SMIM35: variants seen among roughly 807,000 people sequenced by gnomAD.
SMIM35 encodes small integral membrane protein 35.
chr11:118,073,389 C>T (rs1426986586), intron 1 of SMIM35, among the ~76,000 whole-genome samples: 1 of 152,210 alleles, frequency 6.6e-6, no homozygotes, highest in Admixed American at 6.5e-5. Flanking sequence ...GGCAGGACCC[C>T]AGGCCACTAG....
intron 1 of SMIM35, among the ~76,000 whole-genome samples, chr11:118,048,279 G>A (rs1442310805): frequency 6.6e-6 from 1 of 152,170 alleles, no homozygotes; most frequent in African/African-American, 2.4e-5. Context: ...TCCCGCTGAG[G>A]CGGTCAGATC....
chr11:118,017,148 G>A (rs1228174281), intron 1 of SMIM35, among the ~76,000 whole-genome samples: 1 of 152,010 alleles, frequency 6.6e-6, no homozygotes, highest in Non-Finnish European at 1.5e-5. Context: ...ATCATACTAG[G>A]AAAAAATCTC....
At chr11:118,019,506 A>T in intron 1 of SMIM35, among the ~76,000 whole-genome samples, 1 of 152,252 alleles carries the variant, frequency 6.6e-6, no homozygotes, top group Middle Eastern at 3.4e-3. Context: ...CTGGACAGAG[A>T]CAAGGACTCT....
intron 1 of SMIM35, among the ~76,000 whole-genome samples, chr11:118,074,709 T>G (rs538565715): frequency 6.7e-5 from 10 of 148,180 alleles, no homozygotes; most frequent in Non-Finnish European, 1.3e-4. Flanking sequence ...GCTGCACCAC[T>G]GCACTCCAGC....
intron 1 of SMIM35, among the ~76,000 whole-genome samples, chr11:118,070,366 G>A (rs1043894524): frequency 3.3e-5 from 5 of 152,040 alleles, no homozygotes; most frequent in African/African-American, 7.2e-5. Flanking sequence ...TAGTAGAGAC[G>A]GGGTTTCACC....
At chr11:118,030,734 G>A (rs1200996013) in intron 1 of SMIM35, among the ~76,000 whole-genome samples, 1 of 152,030 alleles carries the variant, frequency 6.6e-6, no homozygotes, top group African/African-American at 2.4e-5. Flanking sequence ...GAATGAGGTA[G>A]TCTAACCTGG....
intron 1 of SMIM35, among the ~76,000 whole-genome samples, chr11:118,033,078 G>A (rs1470679228): frequency 3.3e-5 from 5 of 152,194 alleles, no homozygotes; most frequent in Non-Finnish European, 7.3e-5. Flanking sequence ...GGCAAAAAGT[G>A]AATAAGGATC....
intron 1 of SMIM35, among the ~76,000 whole-genome samples, chr11:118,068,365 G>C (rs2085929798): frequency 6.6e-6 from 1 of 152,040 alleles, no homozygotes; most frequent in Admixed American, 6.5e-5. Context: ...TTTCCTCTTA[G>C]AGTTTGCCAA....
Position 118,048,946 on chromosome 11 carries a change from C to CAAAAAAAAAAAAAAAAAAAAAAAAA in SMIM35, c.8-33138_8-33137insTTTTTTTTTTTTTTTTTTTTTTTTT, listed in dbSNP as rs57261529. Reference sequence around the variant, plus strand: ...GCCTATCGCCTAGGCTGAAGAGCTGCAAAAAAAAAAAAAAAAAAGCAAGTG... The same window carrying CAAAAAAAAAAAAAAAAAAAAAAAAA: ...GCCTATCGCCTAGGCTGAAGAGCTGCAAAAAAAAAAAAAAAAAAAAAAAAAAAAAAAAAAAAAAAAAAAGCAAGTG... On this transcript the variant is annotated intron_variant, in intron 1 of 4. Transcript: ENST00000689828. Among the ~76,000 whole-genome samples the CAAAAAAAAAAAAAAAAAAAAAAAAA allele has an allele frequency of 2.8e-4, 17 of 60,482 alleles. 1 individual carries two copies. The highest frequency in any genetic ancestry group is 8.0e-4 in the African/African-American group (11 of 13,704). The allele number at this position is 60,482 out of a possible 152,430, so 39.7% of individuals were successfully genotyped here. A position where few individuals can be genotyped will look rare whatever the true frequency, so the allele number is the denominator to read the frequency against.
intron 1 of SMIM35, among the ~76,000 whole-genome samples, chr11:118,075,963 C>T (rs866624845): frequency 4.6e-5 from 7 of 152,322 alleles, no homozygotes; most frequent in South Asian, 2.1e-4. Flanking sequence ...TGTGGCAGAA[C>T]GTGAATCAGA....
chr11:118,053,632 G>A (rs912577665), intron 1 of SMIM35, among the ~76,000 whole-genome samples: 1 of 152,186 alleles, frequency 6.6e-6, no homozygotes, highest in African/African-American at 2.4e-5. Flanking sequence ...AACGGGTGGG[G>A]CCTTCCTTGG....
intron 1 of SMIM35, among the ~76,000 whole-genome samples, chr11:118,023,263 C>G (rs1270671467): frequency 1.3e-5 from 2 of 152,014 alleles, no homozygotes; most frequent in East Asian, 3.9e-4. Context: ...TATTTAACCA[C>G]CAAAAGCCTC....
At chr11:118,034,089 G>T (rs1177881368) in intron 1 of SMIM35, among the ~76,000 whole-genome samples, 6 of 150,614 alleles carry the variant, frequency 4.0e-5, no homozygotes, top group African/African-American at 1.5e-4. Context: ...CCAACATGGT[G>T]AAACCCCATC....
At chr11:118,062,709 T>A (rs1944410023) in intron 1 of SMIM35, among the ~76,000 whole-genome samples, 1 of 152,236 alleles carries the variant, frequency 6.6e-6, no homozygotes, top group South Asian at 2.1e-4. Context: ...GCCTCTTCGT[T>A]GACTTCCATC....
At chr11:118,037,373 C>T (rs2058367655) in intron 1 of SMIM35, among the ~76,000 whole-genome samples, 1 of 152,108 alleles carries the variant, frequency 6.6e-6, no homozygotes, top group African/African-American at 2.4e-5. Context: ...GGTTAAGATA[C>T]AGGGTCCAAA....
intron 1 of SMIM35, among the ~76,000 whole-genome samples, chr11:118,052,292 G>C (rs756438505): frequency 2.0e-5 from 3 of 152,086 alleles, no homozygotes; most frequent in Non-Finnish European, 4.4e-5. Flanking sequence ...GACTCCAGGG[G>C]ACAAAAGAAG....
At chr11:118,017,871 C>T (rs1247864802) in intron 1 of SMIM35, among the ~76,000 whole-genome samples, 2 of 152,100 alleles carry the variant, frequency 1.3e-5, no homozygotes, top group South Asian at 2.1e-4. Flanking sequence ...CTTATTAAAC[C>T]ATCAAATCTC....
At chr11:118,074,134 C>T (rs1001515356) in intron 1 of SMIM35, among the ~76,000 whole-genome samples, 4 of 152,108 alleles carry the variant, frequency 2.6e-5, no homozygotes, top group African/African-American at 7.2e-5. Context: ...TTTACAAAAA[C>T]GTATGATTGT....
At chr11:118,032,815 C>T (rs565515574) in intron 1 of SMIM35, among the ~76,000 whole-genome samples, 4 of 152,032 alleles carry the variant, frequency 2.6e-5, no homozygotes, top group Admixed American at 6.6e-5. Context: ...GGCTGAGGCA[C>T]GAGAATCACT....
Sources: allele counts gnomAD v4.1 joint callset (sites outside exome capture counted in the v4.1 genomes callset), GRCh38; gene constraint gnomAD v4.1.1; transcripts MANE v1.5; gene names NCBI Gene and HGNC (gene_info 2026-07-23, HGNC 2026-07-21).